GJA5: variants seen among roughly 807,000 people sequenced by gnomAD.
GJA5 encodes gap junction alpha-5 protein.
Under a neutral mutation model 7.9 loss-of-function variants are expected in GJA5, and 3 were observed. The observed-to-expected ratio is 0.38, with a 90% confidence interval of 0.17 to 0.99. The LOEUF is 0.99. GJA5 is among the 50% of genes least tolerant of loss of function. The pLI, the probability that GJA5 is intolerant of heterozygous loss-of-function variation, is 0.38. For missense variants in GJA5, 390 were observed against 457.9 expected, an observed-to-expected ratio of 0.85 and a Z score of 1.35; for synonymous variants, 193 against 181.0, an observed-to-expected ratio of 1.07 and a Z score of -0.53.
rs1392270096 is a variant in GJA5 at position 147,756,199 on chromosome 1, T to C, written c.*1963A>G. The C allele has an allele frequency of 6.6e-6, 1 of 152,246 alleles. No homozygotes were observed. The highest frequency in any genetic ancestry group is 2.4e-5 in the African/African-American group (1 of 41,466). The allele number at this position is 152,246 out of a possible 1,614,324, so 9.4% of individuals were successfully genotyped here. A position where few individuals can be genotyped will look rare whatever the true frequency, so the allele number is the denominator to read the frequency against. On this transcript the variant is annotated 3_prime_UTR_variant, in exon 2 of 2. Transcript: ENST00000579774. The stretch of plus-strand genomic sequence containing the variant: ...TATGAAGTGGACAACAAAAGAGAGA[T>C]AGATGTAGAGATAGATTTTATTAAG...
At chr1:147,770,077 G>A (rs1331407289) in intron 1 of GJA5, among the ~76,000 whole-genome samples, 1 of 152,050 alleles carries the variant, frequency 6.6e-6, no homozygotes, top group Non-Finnish European at 1.5e-5. Context: ...GAGGGTAAGG[G>A]ACATCTTGAT....
intron 1 of GJA5, among the ~76,000 whole-genome samples, chr1:147,766,571 C>T (rs1047213792): frequency 1.8e-4 from 28 of 152,128 alleles, no homozygotes; most frequent in Non-Finnish European, 3.8e-4. Context: ...CAGAGCCGTT[C>T]TCTCAGCAGG....
At chr1:147,768,853 G>A (rs1254869092) in intron 1 of GJA5, among the ~76,000 whole-genome samples, 1 of 152,180 alleles carries the variant, frequency 6.6e-6, no homozygotes, top group Non-Finnish European at 1.5e-5. Context: ...CTGCATAAAG[G>A]GTTTGAATCC....
chr1:147,763,849 A>G (rs1342008003), upstream of GJA5, among the ~76,000 whole-genome samples: 2 of 152,004 alleles, frequency 1.3e-5, no homozygotes, highest in Non-Finnish European at 2.9e-5. Context: ...TCGCTTTGTC[A>G]CCCAGGCTGG....
In GJA5 at chr1:147,758,270, C is replaced by T. The variant is rs1663820712; in HGVS notation, c.969G>A (p.Val323=). Residue 323 remains valine, a synonymous_variant, in exon 2 of 2, where the codon GTG becomes GTA. Transcript: ENST00000579774. ...GGTGACCTGGTGAGACTCCATTGGG[C>T]ACCTCAGGCTTCTGGCCATAACGAA... ...IQVRYGQKPE[V]PNGVSPGHRL... 1.2e-6 allele frequency: 2 copies of T among 1,613,970 alleles called. No individual in the cohort carries two copies. The highest frequency in any genetic ancestry group is 1.3e-5 in the African/African-American group (1 of 74,912).
rs1663820968 is a variant in GJA5, at chr1:147,758,272, C to T, written c.967G>A (p.Val323Met). 2 of 1,614,118 alleles carry T rather than the reference C, an allele frequency of 1.2e-6. No homozygotes were observed. Among genetic ancestry groups the T allele is most frequent in the East Asian group, 4.5e-5 (2 of 44,870 alleles). ...TGACCTGGTGAGACTCCATTGGGCACCTCAGGCTTCTGGCCATAACGAACC... is the reference window on the plus strand; with the variant it reads ...TGACCTGGTGAGACTCCATTGGGCATCTCAGGCTTCTGGCCATAACGAACC... ...IQVRYGQKPEVPNGVSPGHRL... is the reference protein window; with the variant it reads ...IQVRYGQKPEMPNGVSPGHRL... Residue 323 changes from valine to methionine, a missense_variant, in exon 2 of 2, where the codon GTG (valine) becomes ATG (methionine). By Grantham distance (21) the Val-to-Met change is conservative. Around this residue, in one of 2 missense-constraint regions of GJA5, gnomAD observed 354 missense variants for 370.9 expected, o/e 0.95. Coordinates refer to ENST00000579774, the MANE Select transcript of GJA5 (RefSeq NM_181703.4).
chr1:147,771,502 C>T (rs1218978097), intron 1 of GJA5, among the ~76,000 whole-genome samples: 1 of 152,128 alleles, frequency 6.6e-6, no homozygotes, highest in African/African-American at 2.4e-5. Flanking sequence ...ATGGAAGAGA[C>T]CTCTTTCAGT....
intron 1 of GJA5, among the ~76,000 whole-genome samples, chr1:147,767,868 C>T (rs1664265483): frequency 6.6e-6 from 1 of 152,224 alleles, no homozygotes. Flanking sequence ...CAAAGGCTGG[C>T]CACTTTTATA....
At chr1:147,767,141 G>A (rs782269718) in intron 1 of GJA5, among the ~76,000 whole-genome samples, 9 of 152,122 alleles carry the variant, frequency 5.9e-5, no homozygotes, top group Non-Finnish European at 1.2e-4. Context: ...AGGGAGAATT[G>A]CATGAGAAAG....
Position 147,756,421 on chromosome 1 carries a change from A to G in GJA5, c.*1741T>C, listed in dbSNP as rs1363154555. ...GGGATGATCAGACATTCCTTCCTAAATGGCATCCTAGTCACTTTCCTCCAC... is the reference window on the plus strand; with the variant it reads ...GGGATGATCAGACATTCCTTCCTAAGTGGCATCCTAGTCACTTTCCTCCAC... On this transcript the variant is annotated 3_prime_UTR_variant, in exon 2 of 2. Coordinates refer to ENST00000579774, the MANE Select transcript of GJA5 (RefSeq NM_181703.4). The G allele has an allele frequency of 6.6e-6, 1 of 152,138 alleles. No homozygotes were observed. The highest frequency in any genetic ancestry group is 1.5e-5 in the Non-Finnish European group (1 of 68,034). The allele number at this position is 152,138 out of a possible 1,614,324, so 9.4% of individuals were successfully genotyped here. A position where few individuals can be genotyped will look rare whatever the true frequency, so the allele number is the denominator to read the frequency against.
In GJA5 at chr1:147,759,099, TC is replaced by T. The variant is rs782528459; in HGVS notation, c.139del (p.Asp47MetfsTer112). On this transcript the variant is annotated frameshift_variant, in exon 2 of 2. Coordinates refer to ENST00000579774, the MANE Select transcript of GJA5 (RefSeq NM_181703.4). LOFTEE classifies it high-confidence loss of function. ...LGTAAESSWG[D>X]EQADFRCDTI... is the part of the protein sequence containing the mutation. ...ATCACACCGGAAATCAGCCTGCTCA[TC>T]CCCCCAGGAAGACTCAGCAGCTGTG... 6.2e-7 allele frequency: 1 copy of T among 1,612,376 alleles called. No homozygotes were observed. The highest frequency in any genetic ancestry group is 8.5e-7 in the Non-Finnish European group (1 of 1,179,136).
In GJA5 at chr1:147,757,196, C is replaced by G. The variant is rs587757056; in HGVS notation, c.*966G>C. On this transcript the variant is annotated 3_prime_UTR_variant, in exon 2 of 2. Coordinates refer to ENST00000579774, the MANE Select transcript of GJA5 (RefSeq NM_181703.4). Reference sequence around the variant, plus strand: ...AATGCTTTCTTTGTTTTAACAAGGCCTGGGGAAATTCCACTGGCCTCAGTG... The same window carrying G: ...AATGCTTTCTTTGTTTTAACAAGGCGTGGGGAAATTCCACTGGCCTCAGTG... 6.6e-6 allele frequency: 1 copy of G among 152,260 alleles called. No individual in the cohort carries two copies. Among genetic ancestry groups the G allele is most frequent in the East Asian group, 1.9e-4 (1 of 5,174 alleles). The allele number at this position is 152,260 out of a possible 1,614,324, so 9.4% of individuals were successfully genotyped here.
intron 1 of GJA5, among the ~76,000 whole-genome samples, chr1:147,771,084 C>T (rs369377834): frequency 5.3e-5 from 8 of 152,264 alleles, no homozygotes; most frequent in East Asian, 1.9e-4. Flanking sequence ...CTGAAAACGG[C>T]AGGTCATCCA....
rs1663728398 is a variant in GJA5, at chr1:147,756,272, T to C, written c.*1890A>G. 6.6e-6 allele frequency: 1 copy of C among 152,194 alleles called. No homozygotes were observed. The highest frequency in any genetic ancestry group is 2.1e-4 in the South Asian group (1 of 4,828). 9.4% of individuals were successfully genotyped at this position (152,194 alleles called of 1,614,324 possible). A position where few individuals can be genotyped will look rare whatever the true frequency, so the allele number is the denominator to read the frequency against. On this transcript the variant is annotated 3_prime_UTR_variant, in exon 2 of 2. Coordinates refer to ENST00000579774, the MANE Select transcript of GJA5 (RefSeq NM_181703.4). ...TTTTTCCTTTCTAAAACCCTCACCA[T>C]CAAAGATTGATCCCACAGAATTTCT...
rs1302758693 is a variant in GJA5 at position 147,758,002 on chromosome 1, G to A, written c.*160C>T. ...CCTCTCTTACTATCCCAGAGCCCTG[G>A]TTATAGTTTCTAGAATTAATGAGCA... On this transcript the variant is annotated 3_prime_UTR_variant, in exon 2 of 2. Transcript: ENST00000579774. 1.5e-6 allele frequency: 1 copy of A among 651,226 alleles called. No individual in the cohort carries two copies. The highest frequency in any genetic ancestry group is 2.7e-5 in the East Asian group (1 of 37,034). The allele number at this position is 651,226 out of a possible 1,614,324, so 40.3% of individuals were successfully genotyped here.
chr1:147,758,474 C>T lies in GJA5; in HGVS notation c.765G>A (p.Val255=). ...GTGGTGTGCAGCTCTGGACTATGCC[C>T]ACAGAGGGGCCAGAAAGCTGGCACT... ...MAKCQLSGPS[V]GIVQSCTPPP... The change falls in exon 2 of 2, where the codon GTG becomes GTA. Residue 255 remains valine (V), a synonymous_variant. Transcript: ENST00000579774. 7.4e-6 allele frequency: 12 copies of T among 1,614,164 alleles called. No individual in the cohort carries two copies. The highest frequency in any genetic ancestry group is 1.0e-5 in the Non-Finnish European group (12 of 1,180,016).
At chr1:147,763,059 A>G (rs1486585288), upstream of GJA5, among the ~76,000 whole-genome samples, 1 of 152,226 alleles carries the variant, frequency 6.6e-6, no homozygotes, top group African/African-American at 2.4e-5. Flanking sequence ...GTCTTATGCT[A>G]TCATTTTTCC....
chr1:147,758,402 G>T lies in GJA5; in HGVS notation c.837C>A (p.Phe279Leu). Residue 279 changes from phenylalanine to leucine, a missense_variant, in exon 2 of 2, where the codon TTC becomes TTA. Physicochemically the swap from Phe to Leu is conservative, Grantham distance 22. Around this residue, in one of 2 missense-constraint regions of GJA5, gnomAD observed 354 missense variants for 370.9 expected, o/e 0.95. Transcript: ENST00000579774. The part of the protein sequence containing the change: ...QCLENGPGGK[F>L]FNPFSNNMAS... The stretch of plus-strand genomic sequence containing the variant: ...CCATATTATTGCTGAAGGGATTGAA[G>T]AATTTTCCCCCAGGGCCATTCTCCA... The T allele has an allele frequency of 6.2e-7, 1 of 1,614,148 alleles. No homozygotes were observed. Among genetic ancestry groups the T allele is most frequent in the South Asian group, 1.1e-5 (1 of 91,086 alleles).
Position 147,759,148 on chromosome 1 carries a change from T to G in GJA5, c.91A>C (p.Ile31Leu). ...GTGCCCAGCACGAGCATACGGAATA[T>G]GAAGAGGACAGTGAGCCAGACCTTG... is the stretch of plus-strand genomic sequence containing the variant. ...VGKVWLTVLFIFRMLVLGTAA... is the reference protein window; with the variant it reads ...VGKVWLTVLFLFRMLVLGTAA... Residue 31 changes from isoleucine to leucine, a missense_variant, in exon 2 of 2, where the codon ATA becomes CTA. Physicochemically the swap from Ile to Leu is conservative, Grantham distance 5. Around this residue, in one of 2 missense-constraint regions of GJA5, gnomAD observed 36 missense variants for 87.1 expected, o/e 0.41. Coordinates refer to ENST00000579774, the MANE Select transcript of GJA5 (RefSeq NM_181703.4). 1 of 1,613,694 alleles carries G rather than the reference T, an allele frequency of 6.2e-7. No individual in the cohort carries two copies. Among genetic ancestry groups the G allele is most frequent in the Non-Finnish European group, 8.5e-7 (1 of 1,179,712 alleles).
Sources: gnomAD v4.1 joint callset for allele counts (sites outside exome capture counted in the v4.1 genomes callset) on GRCh38, gnomAD v4.1.1 for gene constraint, gnomAD v4.1.1 regional missense constraint, MANE v1.5 for transcripts, NCBI Gene and HGNC (gene_info 2026-07-23, HGNC 2026-07-21) for gene names.